The following SRPK2 variants were observed in gnomAD, a reference collection of about 807,000 sequenced individuals.
The protein encoded by SRPK2 is SRSF protein kinase 2.
SRPK2 carries 21 observed loss-of-function variants against 90.8 expected under a neutral mutation model. The ratio of observed to expected loss-of-function variants is 0.23; its 90% CI spans 0.16 to 0.33. SRPK2 has a LOEUF of 0.33. Ranked by LOEUF, SRPK2 falls within the 10% of genes least tolerant of loss-of-function variation. SRPK2 has a pLI of 1.00. For missense variants in SRPK2, 620 were observed against 869.0 expected (o/e 0.71, Z 3.60); for synonymous variants, 288 against 311.1 (o/e 0.93, Z 0.78).
chr7:105,252,485 G>A (rs1405564966), intron 2 of SRPK2, among the ~76,000 whole-genome samples: 1 of 152,054 alleles, frequency 6.6e-6, no homozygotes, highest in African/African-American at 2.4e-5. Context: ...AGTGGTTTTT[G>A]AATTTTAAAA....
chr7:105,138,132 A>C (rs1356148124), intron 11 of SRPK2, among the ~76,000 whole-genome samples: 1 of 152,240 alleles, frequency 6.6e-6, no homozygotes, highest in Admixed American at 6.5e-5. Context: ...AATTGTGACT[A>C]TAAATGGAAA....
intron 3 of SRPK2, among the ~76,000 whole-genome samples, chr7:105,178,742 G>A (rs1021979630): frequency 3.9e-5 from 6 of 152,064 alleles, no homozygotes; most frequent in African/African-American, 9.7e-5. Flanking sequence ...CCAGGAGGTC[G>A]AAGCTGCAAT....
chr7:105,144,015 C>G (rs1804175743), intron 9 of SRPK2: 1 of 152,270 alleles, frequency 6.6e-6, no homozygotes, highest in Non-Finnish European at 1.5e-5. Context: ...TTAAAGCTCC[C>G]TCTTGTTCCA....
chr7:105,239,257 T>A (rs1429823254), intron 2 of SRPK2, among the ~76,000 whole-genome samples: 1 of 152,224 alleles, frequency 6.6e-6, no homozygotes, highest in African/African-American at 2.4e-5. Context: ...AACCTTCCTA[T>A]GTTATAAGCG....
chr7:105,376,562 TAG>T (rs1820328160), intron 2 of SRPK2, among the ~76,000 whole-genome samples: 1 of 150,132 alleles, frequency 6.7e-6, no homozygotes, highest in Admixed American at 6.7e-5. Flanking sequence ...GGGGAGGGTA[TAG>T]AGTCTCACTC....
intron 2 of SRPK2, among the ~76,000 whole-genome samples, chr7:105,251,616 C>T (rs1367234131): frequency 6.6e-6 from 1 of 152,154 alleles, no homozygotes; most frequent in Non-Finnish European, 1.5e-5. Flanking sequence ...TAACACCTAC[C>T]ATCATTTAAT....
intron 3 of SRPK2, 38 bp from the exon 4 acceptor site, chr7:105,169,303 T>C (rs1474711719): frequency 6.7e-7 from 1 of 1,489,974 alleles, no homozygotes; most frequent in African/African-American, 1.4e-5. Flanking sequence ...ATTCAAAATA[T>C]TCGAAAAGTA....
At chr7:105,145,035 G>C (rs534920873) in intron 9 of SRPK2, among the ~76,000 whole-genome samples, 7 of 151,080 alleles carry the variant, frequency 4.6e-5, no homozygotes, top group Middle Eastern at 3.4e-3. Context: ...GAACCAGGGA[G>C]GGGGAGGTTG....
chr7:105,318,699 T>C (rs1314397967), intron 2 of SRPK2, among the ~76,000 whole-genome samples: 2 of 152,184 alleles, frequency 1.3e-5, no homozygotes, highest in African/African-American at 4.8e-5. Flanking sequence ...ATCAACCTTT[T>C]TTGAAACACG....
chr7:105,190,688 C>A (rs548739884), intron 3 of SRPK2, among the ~76,000 whole-genome samples: 1 of 152,300 alleles, frequency 6.6e-6, no homozygotes, highest in South Asian at 2.1e-4. Flanking sequence ...TGGCCCAAGG[C>A]ACCCAGATCT....
intron 2 of SRPK2, among the ~76,000 whole-genome samples, chr7:105,380,161 T>C (rs933252986): frequency 6.6e-6 from 1 of 152,224 alleles, no homozygotes; most frequent in Non-Finnish European, 1.5e-5. Context: ...AGAGGGAGTT[T>C]CACTGCGTCG....
At chr7:105,178,426 ATATTTCC>A (rs1792281262) in intron 3 of SRPK2, among the ~76,000 whole-genome samples, 2 of 152,248 alleles carry the variant, frequency 1.3e-5, no homozygotes, top group African/African-American at 4.8e-5. Context: ...TTACAGTCAA[ATATTTCC>A]TATAACAGTA....
chr7:105,332,394 A>C (rs1245985107), intron 2 of SRPK2, among the ~76,000 whole-genome samples: 1 of 152,126 alleles, frequency 6.6e-6, no homozygotes, highest in South Asian at 2.1e-4. Context: ...AAAAAAAATT[A>C]CTCTTCCTAA....
intron 2 of SRPK2, among the ~76,000 whole-genome samples, chr7:105,348,476 G>C (rs1038424211): frequency 1.2e-4 from 18 of 148,944 alleles, no homozygotes; most frequent in African/African-American, 4.2e-4. Flanking sequence ...CCAGGCTGGA[G>C]TGCAATGGCA....
intron 7 of SRPK2, among the ~76,000 whole-genome samples, chr7:105,153,032 C>CAAA (rs1805951961): frequency 6.6e-6 from 1 of 152,088 alleles, no homozygotes; most frequent in African/African-American, 2.4e-5. Flanking sequence ...GATTCCGTCT[C>CAAA]AAAAACAAAC....
At chr7:105,340,306 G>A (rs1815603063) in intron 2 of SRPK2, among the ~76,000 whole-genome samples, 1 of 151,736 alleles carries the variant, frequency 6.6e-6, no homozygotes, top group African/African-American at 2.4e-5. Flanking sequence ...GTGAGCTAAA[G>A]CAGTCAATTT....
At chr7:105,288,810 G>A (rs1214196393) in intron 2 of SRPK2, among the ~76,000 whole-genome samples, 1 of 152,026 alleles carries the variant, frequency 6.6e-6, no homozygotes, top group African/African-American at 2.4e-5. Flanking sequence ...CCATGCAGAG[G>A]AGGAAGACAT....
intron 2 of SRPK2, among the ~76,000 whole-genome samples, chr7:105,282,399 C>G (rs1205039227): frequency 6.6e-6 from 1 of 152,136 alleles, no homozygotes; most frequent in Non-Finnish European, 1.5e-5. Context: ...ATCTTCATAA[C>G]CTTAGAAGAG....
intron 11 of SRPK2, among the ~76,000 whole-genome samples, chr7:105,138,453 T>G (rs1803218334): frequency 6.6e-6 from 1 of 152,150 alleles, no homozygotes; most frequent in Non-Finnish European, 1.5e-5. Context: ...TCAGGAAAAT[T>G]TAAAAAGAAA....
Sources: allele counts gnomAD v4.1 joint callset (sites outside exome capture counted in the v4.1 genomes callset), GRCh38; gene constraint gnomAD v4.1.1; transcripts MANE v1.5; gene names NCBI Gene and HGNC (gene_info 2026-07-23, HGNC 2026-07-21).